FTO: variants seen among roughly 807,000 people sequenced by gnomAD.
The protein encoded by FTO is FTO alpha-ketoglutarate dependent dioxygenase, also known as alpha-ketoglutarate-dependent dioxygenase FTO.
In FTO, 47 loss-of-function variants were observed where a neutral mutation model predicts 63.9. The observed-to-expected ratio is 0.74, with a 90% CI of 0.58 to 0.94. The LOEUF is 0.94. FTO is among the 40% of genes least tolerant of loss of function. The pLI, the probability that FTO is intolerant of heterozygous loss-of-function variation, is 0.00. For missense variants in FTO, 562 were observed against 618.1 expected (o/e 0.91, Z 0.96); for synonymous variants, 207 against 224.4 (o/e 0.92, Z 0.69).
intron 1 of FTO, among the ~76,000 whole-genome samples, chr16:53,787,475 C>T (rs1226226991): frequency 1.3e-5 from 2 of 151,276 alleles, no homozygotes; most frequent in African/African-American, 4.9e-5. Context: ...TGATTTTAAG[C>T]ATTAAGTATG....
intron 8 of FTO, among the ~76,000 whole-genome samples, chr16:53,996,814 C>G (rs552752396): frequency 1.3e-5 from 2 of 152,128 alleles, no homozygotes; most frequent in Admixed American, 1.3e-4. Flanking sequence ...CCTTATAAAA[C>G]CATTGGATCT....
At chr16:54,074,666 A>T (rs1436541013) in intron 8 of FTO, among the ~76,000 whole-genome samples, 1 of 152,024 alleles carries the variant, frequency 6.6e-6, no homozygotes, top group African/African-American at 2.4e-5. Context: ...TTTCCCTATC[A>T]TATAAAATGC....
chr16:54,098,220 C>T (rs1440762192), intron 8 of FTO, among the ~76,000 whole-genome samples: 1 of 152,156 alleles, frequency 6.6e-6, no homozygotes, highest in Admixed American at 6.5e-5. Context: ...TTTTGACCCA[C>T]CATTTTCTCC....
At chr16:53,958,490 A>T (rs1458313648) in intron 8 of FTO, among the ~76,000 whole-genome samples, 1 of 152,194 alleles carries the variant, frequency 6.6e-6, no homozygotes, top group African/African-American at 2.4e-5. Flanking sequence ...GCTTTGTCAG[A>T]TAGGTTAAAA....
intron 1 of FTO, among the ~76,000 whole-genome samples, chr16:53,731,968 C>T (rs914517939): frequency 2.0e-5 from 3 of 151,544 alleles, no homozygotes; most frequent in African/African-American, 4.9e-5. Flanking sequence ...TTAGATAAAC[C>T]GCCCACCTCG....
intron 4 of FTO, among the ~76,000 whole-genome samples, chr16:53,858,353 A>G (rs1176562688): frequency 6.6e-6 from 1 of 152,204 alleles, no homozygotes; most frequent in African/African-American, 2.4e-5. Context: ...GAAATGTTCA[A>G]TAAAGAGATT....
At chr16:53,820,029 G>C (rs1358377445) in intron 2 of FTO, among the ~76,000 whole-genome samples, 1 of 142,242 alleles carries the variant, frequency 7.0e-6, no homozygotes, top group Non-Finnish European at 1.5e-5. Flanking sequence ...TTTTTTTTGA[G>C]ATGGAGTCTT....
At position 53,911,230 on chromosome 16, in the gene FTO, G is replaced by A. The variant is rs115261828; in HGVS notation, c.1239+22279G>A. 197 of 605,994 alleles carry A rather than the reference G, an allele frequency of 3.3e-4. No homozygotes were observed. The African/African-American group carries it at 3.4e-3, about 10-fold the overall frequency. 37.5% of individuals were successfully genotyped at this position (605,994 alleles called of 1,614,324 possible). A position where few individuals can be genotyped will look rare whatever the true frequency, so the allele number is the denominator to read the frequency against. On this transcript the variant is annotated intron_variant, in intron 7 of 8. Transcript: ENST00000471389. ...ATCTCCACAGAGACAGTGGCTGAGC[G>A]ATTGGAGTGAGTAAGAGAGAATGTA...
chr16:53,968,358 C>T (rs1169288962), intron 8 of FTO, among the ~76,000 whole-genome samples: 1 of 152,154 alleles, frequency 6.6e-6, no homozygotes, highest in Non-Finnish European at 1.5e-5. Context: ...TTCCTCAGTC[C>T]TAAGTTCCTT....
chr16:53,803,716 C>T (rs2078286997), intron 1 of FTO, among the ~76,000 whole-genome samples: 1 of 152,016 alleles, frequency 6.6e-6, no homozygotes, highest in Admixed American at 6.6e-5. Context: ...AGTCTCTTGC[C>T]AGTCACTTCA....
At position 53,748,053 on chromosome 16, in the gene FTO, A is replaced by G. The variant is rs148028880; in HGVS notation, c.45+43824A>G. On this transcript the variant is annotated intron_variant, in intron 1 of 8. Coordinates refer to ENST00000471389, the MANE Select transcript of FTO (RefSeq NM_001080432.3). ...CTAGTACCATGCTGTTTTAATTACTATTGCTTTGTAATATGGTTGGAAATA... is the reference window on the plus strand; with the variant it reads ...CTAGTACCATGCTGTTTTAATTACTGTTGCTTTGTAATATGGTTGGAAATA... Among the ~76,000 whole-genome samples, 225 of 151,976 alleles carry G rather than the reference A, an allele frequency of 1.5e-3. 1 individual carries two copies. The highest frequency in any genetic ancestry group is 5.3e-3 in the African/African-American group (220 of 41,448).
chr16:53,943,002 G>A (rs913685065), intron 8 of FTO, among the ~76,000 whole-genome samples: 1 of 152,158 alleles, frequency 6.6e-6, no homozygotes, highest in African/African-American at 2.4e-5. Context: ...GGAGGCACTG[G>A]CCTGCTAGTT....
At chr16:54,088,326 G>A (rs2086294221) in intron 8 of FTO, among the ~76,000 whole-genome samples, 2 of 152,122 alleles carry the variant, frequency 1.3e-5, no homozygotes, top group African/African-American at 4.8e-5. Context: ...TTTCAGAGAA[G>A]TCCATATACT....
At chr16:53,839,774 T>TA (rs1360071563) in intron 3 of FTO, among the ~76,000 whole-genome samples, 1,510 of 21,786 alleles carry the variant, frequency 0.069, 20 homozygotes, top group African/African-American at 0.23. Flanking sequence ...GTTTTCTTTT[T>TA]TTTTATTTAT....
At chr16:53,886,845 G>C (rs1304637041) in intron 6 of FTO, 2 of 152,158 alleles carry the variant, frequency 1.3e-5, no homozygotes, top group African/African-American at 2.4e-5. Context: ...GCGGTAACAG[G>C]TGAAGATTAT....
chr16:53,766,727 G>T (rs2077213708), intron 1 of FTO, among the ~76,000 whole-genome samples: 1 of 152,172 alleles, frequency 6.6e-6, no homozygotes. Context: ...CTATATAGGT[G>T]ATGGGTTAAA....
intron 8 of FTO, among the ~76,000 whole-genome samples, chr16:54,013,704 G>T (rs1307920904): frequency 6.6e-6 from 1 of 152,144 alleles, no homozygotes; most frequent in African/African-American, 2.4e-5. Flanking sequence ...CTTGCTAAAG[G>T]CTCAGATAAT....
At chr16:53,919,494 A>T (rs1374781092) in intron 7 of FTO, among the ~76,000 whole-genome samples, 1 of 152,180 alleles carries the variant, frequency 6.6e-6, no homozygotes, top group Non-Finnish European at 1.5e-5. Context: ...AAGGAAAAGA[A>T]TTCATTATAC....
At chr16:54,065,104 A>ATT (rs2085690410) in intron 8 of FTO, among the ~76,000 whole-genome samples, 1 of 92,662 alleles carries the variant, frequency 1.1e-5, no homozygotes, top group South Asian at 4.4e-4. Flanking sequence ...ATAACATTTT[A>ATT]TTTTATTTTA....
Sources: gnomAD v4.1 joint callset for allele counts (sites outside exome capture counted in the v4.1 genomes callset) on GRCh38, gnomAD v4.1.1 for gene constraint, MANE v1.5 for transcripts, NCBI Gene and HGNC (gene_info 2026-07-23, HGNC 2026-07-21) for gene names.